LRTM1: variants seen among roughly 807,000 people sequenced by gnomAD.
LRTM1 encodes the protein leucine-rich repeat and transmembrane domain-containing protein 1.
A neutral mutation model predicts 32.4 loss-of-function variants in LRTM1; 38 were observed. The observed-to-expected ratio is 1.17, with a 90% CI of 0.91 to 1.54. The LOEUF is 1.54. Among genes scored for constraint, LRTM1 ranks in the 40% most tolerant of loss-of-function variants. The pLI is 0.00. For missense variants in LRTM1, 466 were observed against 415.4 expected, an observed-to-expected ratio of 1.12 and a Z score of -1.06; for synonymous variants, 186 against 169.9, an observed-to-expected ratio of 1.09 and a Z score of -0.74.
At chr3:54,944,465 G>A (rs1490059636) in intron 1 of LRTM1, among the ~76,000 whole-genome samples, 2 of 151,730 alleles carry the variant, frequency 1.3e-5, no homozygotes, top group African/African-American at 2.4e-5. Context: ...CTGTCGCCCA[G>A]GCTGGAGTGC....
At chr3:54,965,602 A>G (rs1017558313) in intron 1 of LRTM1, among the ~76,000 whole-genome samples, 3 of 151,402 alleles carry the variant, frequency 2.0e-5, no homozygotes, top group Non-Finnish European at 4.4e-5. Flanking sequence ...CTTAGTACTC[A>G]CTGAACAAAT....
intron 1 of LRTM1, among the ~76,000 whole-genome samples, chr3:54,941,734 G>C (rs148246899): frequency 2.0e-5 from 3 of 152,080 alleles, no homozygotes; most frequent in Non-Finnish European, 4.4e-5. Context: ...TTCTAACCAC[G>C]AGGGTTCGCA....
chr3:54,964,934 A>T (rs951772051), intron 1 of LRTM1, among the ~76,000 whole-genome samples: 1 of 151,716 alleles, frequency 6.6e-6, no homozygotes, highest in Non-Finnish European at 1.5e-5. Context: ...TTCCCATTTT[A>T]TAGGCCCTTT....
At chr3:54,938,171 C>T (rs1701376761) in intron 1 of LRTM1, among the ~76,000 whole-genome samples, 1 of 152,208 alleles carries the variant, frequency 6.6e-6, no homozygotes, top group African/African-American at 2.4e-5. Flanking sequence ...CACATCAGTG[C>T]CTGGGTCCAG....
At chr3:54,941,819 C>T (rs1391563379) in intron 1 of LRTM1, among the ~76,000 whole-genome samples, 1 of 152,146 alleles carries the variant, frequency 6.6e-6, no homozygotes, top group Non-Finnish European at 1.5e-5. Context: ...TGGGGAGAGG[C>T]TTCAGGGACA....
At position 54,961,765 on chromosome 3, in the gene LRTM1, A is replaced by T. The variant is rs983120798; in HGVS notation, c.-222+5163T>A. On this transcript the variant is annotated intron_variant, in intron 1 of 2. Transcript: ENST00000493075. ...TTGTCCTGAGTATGCATGAATGATC[A>T]CAATTCCAGAAGGGGTGGGTGACAG... Among the ~76,000 whole-genome samples the T allele has an allele frequency of 2.0e-5, 3 of 152,214 alleles. No homozygotes were observed. In the East Asian group the frequency reaches 5.8e-4, roughly 29 times the overall value.
intron 1 of LRTM1, among the ~76,000 whole-genome samples, chr3:54,948,813 G>A (rs1701681463): frequency 6.6e-6 from 1 of 152,178 alleles, no homozygotes; most frequent in South Asian, 2.1e-4. Context: ...GACTACAGTT[G>A]CATCTGTCAG....
In LRTM1 at chr3:54,937,442, T is replaced by C. The variant is rs1056160912; in HGVS notation, c.-221-12227A>G. On this transcript the variant is annotated intron_variant, in intron 1 of 2. Coordinates refer to the LRTM1 transcript ENST00000493075. ...TGCAACTGGCCCTGTGGAACCCACA[T>C]GTAGGAAAAGTCAACCTTCCAAGTA... 2.5e-4 allele frequency among the ~76,000 whole-genome samples: 38 copies of C among 152,202 alleles called. 2 individuals carry two copies.
chr3:54,966,109 A>T (rs561862545), intron 1 of LRTM1, among the ~76,000 whole-genome samples: 2 of 152,016 alleles, frequency 1.3e-5, no homozygotes, highest in African/African-American at 4.8e-5. Flanking sequence ...GGAGGTGAAG[A>T]TGAGGGCTCC....
upstream of LRTM1, among the ~76,000 whole-genome samples, chr3:54,930,581 G>A (rs1296905571): frequency 6.6e-6 from 1 of 152,202 alleles, no homozygotes; most frequent in Non-Finnish European, 1.5e-5. Flanking sequence ...CCCTGGCAGA[G>A]AACCAAAGGC....
In LRTM1 at chr3:54,925,056, T is replaced by C. The variant is rs745808042; in HGVS notation, c.167A>G (p.His56Arg). Residue 56 changes from histidine (H) to arginine (R), a missense_variant, in exon 2 of 3, where the codon CAT (histidine) becomes CGT (arginine). Physicochemically the swap from His to Arg is conservative, Grantham distance 29. Coordinates refer to ENST00000273286, the MANE Select transcript of LRTM1 (RefSeq NM_020678.4). ...ATGGTGTATCTGATTATCTTGTAAATGCAGCGTTCGAGTCTGAGGAGGTAA... is the reference window on the plus strand; with the variant it reads ...ATGGTGTATCTGATTATCTTGTAAACGCAGCGTTCGAGTCTGAGGAGGTAA... ...SHLPPQTRTL[H>R]LQDNQIHHLP... 2 of 1,614,154 alleles carry C rather than the reference T, an allele frequency of 1.2e-6. No individual in the cohort carries two copies. The highest frequency in any genetic ancestry group is 2.2e-5 in the South Asian group (2 of 91,072).
Position 54,918,457 on chromosome 3 carries a change from T to C in LRTM1, c.*2A>G. ...GACCAATCCTATTTGAGACAAAAGC[T>C]CTCAGGCTGGTGAGCTGTCAAATCG... On this transcript the variant is annotated 3_prime_UTR_variant, in exon 3 of 3. Transcript: ENST00000273286. The C allele has an allele frequency of 6.2e-7, 1 of 1,600,312 alleles. No homozygotes were observed. The highest frequency in any genetic ancestry group is 8.5e-7 in the Non-Finnish European group (1 of 1,171,732).
At chr3:54,959,389 C>T (rs1451341610) in intron 1 of LRTM1, among the ~76,000 whole-genome samples, 2 of 152,196 alleles carry the variant, frequency 1.3e-5, no homozygotes, top group East Asian at 1.9e-4. Flanking sequence ...ATGAACCTGA[C>T]AGTCAGAAGG....
chr3:54,954,171 C>G (rs1465261567), intron 1 of LRTM1, among the ~76,000 whole-genome samples: 1 of 152,140 alleles, frequency 6.6e-6, no homozygotes, highest in East Asian at 1.9e-4. Context: ...GTCACCCAGT[C>G]GCATCTGGTC....
chr3:54,928,329 CA>C (rs1701087250), upstream of LRTM1, among the ~76,000 whole-genome samples: 2 of 152,118 alleles, frequency 1.3e-5, no homozygotes, highest in African/African-American at 2.4e-5. Context: ...TACAGGGCAC[CA>C]AAATAAAACT....
upstream of LRTM1, among the ~76,000 whole-genome samples, chr3:54,929,668 A>C (rs555520757): frequency 6.6e-6 from 1 of 152,284 alleles, no homozygotes; most frequent in African/African-American, 2.4e-5. Context: ...AATGGGCAAA[A>C]GTCAGGTGTA....
upstream of LRTM1, among the ~76,000 whole-genome samples, chr3:54,930,781 T>C (rs1294128009): frequency 1.3e-5 from 2 of 152,166 alleles, no homozygotes; most frequent in Admixed American, 6.5e-5. Context: ...CTAGCACATA[T>C]CTGGTAGAGC....
At chr3:54,929,001 A>G (rs1471201858), upstream of LRTM1, among the ~76,000 whole-genome samples, 2 of 152,142 alleles carry the variant, frequency 1.3e-5, no homozygotes, top group African/African-American at 2.4e-5. Context: ...CCTTCTAGAT[A>G]AAACAAAATG....
At chr3:54,960,589 CA>C (rs1702007436) in intron 1 of LRTM1, among the ~76,000 whole-genome samples, 1 of 152,064 alleles carries the variant, frequency 6.6e-6, no homozygotes, top group Non-Finnish European at 1.5e-5. Context: ...AATATTTCTC[CA>C]AAGGTTGTTG....
Sources: allele counts gnomAD v4.1 joint callset (sites outside exome capture counted in the v4.1 genomes callset), GRCh38; gene constraint gnomAD v4.1.1; transcripts MANE v1.5; gene names NCBI Gene and HGNC (gene_info 2026-07-23, HGNC 2026-07-21).